The following PAK6 variants were observed in gnomAD, a reference collection of about 807,000 sequenced individuals.
The protein encoded by PAK6 is serine/threonine-protein kinase PAK 6.
A neutral mutation model predicts 60.8 loss-of-function variants in PAK6; 33 were observed. The ratio of observed to expected loss-of-function variants is 0.54; its 90% confidence interval spans 0.41 to 0.73. The LOEUF is 0.73. Among genes scored for constraint, PAK6 ranks in the 30% least tolerant of loss-of-function variants. The pLI is 0.00. For missense variants in PAK6, 845 were observed against 904.1 expected (o/e 0.93, Z 0.84); for synonymous variants, 404 against 378.5 (o/e 1.07, Z -0.78).
intron 2 of PAK6, among the ~76,000 whole-genome samples, chr15:40,241,694 G>C (rs1184919219): frequency 1.3e-5 from 2 of 152,196 alleles, no homozygotes; most frequent in Non-Finnish European, 2.9e-5. Context: ...CCTCTCCAGT[G>C]CCCCGAGGAC....
intron 2 of PAK6, among the ~76,000 whole-genome samples, chr15:40,242,519 C>A (rs1345477596): frequency 6.6e-6 from 1 of 152,202 alleles, no homozygotes; most frequent in Non-Finnish European, 1.5e-5. Context: ...ACCTACCGGG[C>A]CTCAAGGAGA....
chr15:40,264,177 A>T (rs1440515412), intron 3 of PAK6, among the ~76,000 whole-genome samples: 1 of 152,090 alleles, frequency 6.6e-6, no homozygotes, highest in Non-Finnish European at 1.5e-5. Context: ...TTATTAACGT[A>T]TCATATTAAC....
intron 3 of PAK6, among the ~76,000 whole-genome samples, chr15:40,255,152 C>T (rs1274604421): frequency 6.6e-6 from 1 of 152,108 alleles, no homozygotes; most frequent in African/African-American, 2.4e-5. Context: ...CATTGAGGAC[C>T]CTATGCTAAG....
chr15:40,260,197 G>A (rs1471730488), intron 3 of PAK6: 1 of 152,122 alleles, frequency 6.6e-6, no homozygotes, highest in Admixed American at 6.5e-5. Context: ...TCAGGCTACG[G>A]GTACCCGCCG....
exon 11 of PAK6, chr15:40,275,940 T>C: frequency 6.2e-7 from 1 of 1,613,088 alleles, no homozygotes. Context: ...TCCCCAGTGC[T>C]GCGAGACTTC....
chr15:40,266,827 GCA>G (rs2039151624), intron 5 of PAK6: 1 of 272,342 alleles, frequency 3.7e-6, no homozygotes, highest in African/African-American at 2.2e-5. Flanking sequence ...TGCTTCAGAC[GCA>G]CATTTTTCTT....
chr15:40,250,897 C>A (rs530620607), intron 2 of PAK6: 1 of 152,574 alleles, frequency 6.6e-6, no homozygotes, highest in Non-Finnish European at 1.5e-5. Context: ...TCTCTGCCAC[C>A]TCCACGCAGC....
intron 10 of PAK6, among the ~76,000 whole-genome samples, chr15:40,274,913 T>C (rs868048739): frequency 4.6e-5 from 7 of 152,168 alleles, no homozygotes; most frequent in Admixed American, 1.3e-4. Context: ...ACAAGAAATG[T>C]CTCAGAGGGC....
intron 3 of PAK6, chr15:40,259,967 G>A (rs1694793020): frequency 6.6e-6 from 1 of 152,058 alleles, no homozygotes; most frequent in African/African-American, 2.4e-5. Flanking sequence ...TATTCACACT[G>A]CATTGACAAA....
intron 3 of PAK6, among the ~76,000 whole-genome samples, chr15:40,262,525 AACAAAC>A: frequency 7.3e-6 from 1 of 137,530 alleles, no homozygotes; most frequent in South Asian, 2.5e-4. Flanking sequence ...CAACAACAAC[AACAAAC>A]AACAACAAAA....
At position 40,272,246 on chromosome 15, in the gene PAK6, C is replaced by G. The variant is rs772030152; in HGVS notation, c.881C>G (p.Pro294Arg). ...CAGCCCAACTCCTCTTTCCGACCGCCGCAGAAAGACAACCCCCCAAGCCTG... is the reference window on the plus strand; with the variant it reads ...CAGCCCAACTCCTCTTTCCGACCGCGGCAGAAAGACAACCCCCCAAGCCTG... The change falls in exon 6 of 11, where the codon CCG becomes CGG. Residue 294 changes from proline (P) to arginine (R), a missense_variant. Transcript: ENST00000560346. 1.2e-6 allele frequency: 2 copies of G among 1,610,188 alleles called. No individual in the cohort carries two copies. Among genetic ancestry groups the G allele is most frequent in the Admixed American group, 1.7e-5 (1 of 59,802 alleles).
At chr15:40,248,517 C>T (rs532536481) in intron 2 of PAK6, among the ~76,000 whole-genome samples, 27 of 152,302 alleles carry the variant, frequency 1.8e-4, no homozygotes, top group South Asian at 4.1e-4. Flanking sequence ...GGGCCTGAGG[C>T]GACTGGGCCA....
intron 2 of PAK6, among the ~76,000 whole-genome samples, chr15:40,242,710 G>A (rs2038389251): frequency 6.6e-6 from 1 of 152,218 alleles, no homozygotes; most frequent in Non-Finnish European, 1.5e-5. Context: ...CCCTTCTGAG[G>A]AGGTGCCCTC....
intron 2 of PAK6, chr15:40,245,314 CT>C (rs2038468199): frequency 6.6e-6 from 1 of 152,412 alleles, no homozygotes; most frequent in African/African-American, 2.4e-5. Flanking sequence ...AACCAGTCAC[CT>C]TGCCCAAGAC....
chr15:40,270,804 C>T (rs2039280111), intron 5 of PAK6, among the ~76,000 whole-genome samples: 2 of 152,364 alleles, frequency 1.3e-5, no homozygotes, highest in Admixed American at 1.3e-4. Context: ...CAGAAGTCTG[C>T]CCCAGCATGG....
exon 5 of PAK6, chr15:40,266,410 G>T (rs746529258): frequency 1.2e-6 from 2 of 1,613,068 alleles, no homozygotes; most frequent in African/African-American, 1.3e-5. Flanking sequence ...AGCCTGAAGC[G>T]CAGGCTATTC....
rs1048529221 is a variant in PAK6, at chr15:40,252,781, GTT to G, written c.-117-396_-117-395del. 6 of 1,300,600 alleles carry G rather than the reference GTT, an allele frequency of 4.6e-6. No homozygotes were observed. In the Admixed American group the frequency reaches 9.1e-5, roughly 20 times the overall value. The allele number at this position is 1,300,600 out of a possible 1,614,324, so 80.6% of individuals were successfully genotyped here. A position where few individuals can be genotyped will look rare whatever the true frequency, so the allele number is the denominator to read the frequency against. On this transcript the variant is annotated intron_variant, in intron 2 of 10. Transcript: ENST00000560346. ...CCTTCCTGGGTGCCCATGCCCCGAAGTTCGGGACCAGCCGGCGCCAGGCGAGG... is the reference window on the plus strand; with the variant it reads ...CCTTCCTGGGTGCCCATGCCCCGAAGCGGGACCAGCCGGCGCCAGGCGAGG...
intron 3 of PAK6, among the ~76,000 whole-genome samples, chr15:40,254,413 T>C (rs2140960025): frequency 1.3e-5 from 2 of 151,946 alleles, no homozygotes; most frequent in Middle Eastern, 6.8e-3. Context: ...GGAGGGCGAG[T>C]AGTGAGAGAC....
chr15:40,240,811 C>T (rs1278873639), intron 2 of PAK6, 130 bp downstream of exon 2: 1 of 332,080 alleles, frequency 3.0e-6, no homozygotes, highest in Non-Finnish European at 6.0e-6. Flanking sequence ...GGTCAAGGGG[C>T]TCCACTCCCC....
Sources: allele counts gnomAD v4.1 joint callset (sites outside exome capture counted in the v4.1 genomes callset), GRCh38; gene constraint gnomAD v4.1.1; transcripts MANE v1.5; gene names NCBI Gene and HGNC (gene_info 2026-07-23, HGNC 2026-07-21).